Variants in ZMAT4 observed in about 807,000 individuals in gnomAD.
The protein encoded by ZMAT4 is zinc finger matrin-type 4, also known as zinc finger matrin-type protein 4.
A neutral mutation model predicts 28.7 loss-of-function variants in ZMAT4; 17 were observed. That is an observed-to-expected ratio of 0.59 (90% CI 0.41 to 0.89). The LOEUF (loss-of-function observed/expected upper bound fraction) is 0.89. Ranked by LOEUF, ZMAT4 falls within the 40% of genes least tolerant of loss-of-function variation. The pLI, the probability that ZMAT4 is intolerant of heterozygous loss-of-function variation, is 0.00. For missense variants in ZMAT4, 240 were observed against 283.8 expected, an observed-to-expected ratio of 0.85 and a Z score of 1.11; for synonymous variants, 117 against 109.2, an observed-to-expected ratio of 1.07 and a Z score of -0.44.
intron 1 of ZMAT4, among the ~76,000 whole-genome samples, chr8:40,862,570 T>TTA (rs1563534407): frequency 1.1e-5 from 1 of 90,034 alleles, no homozygotes; most frequent in African/African-American, 5.1e-5. Flanking sequence ...TAGAGTATAA[T>TTA]AAAAAAAAAA....
At chr8:40,811,004 C>T (rs925136974) in intron 2 of ZMAT4, among the ~76,000 whole-genome samples, 5 of 151,908 alleles carry the variant, frequency 3.3e-5, no homozygotes, top group Non-Finnish European at 5.9e-5. Context: ...TAGGAAAAAA[C>T]GTGAAAGCTG....
intron 2 of ZMAT4, among the ~76,000 whole-genome samples, chr8:40,777,362 C>A (rs1409307500): frequency 6.6e-6 from 1 of 152,180 alleles, no homozygotes; most frequent in Admixed American, 6.5e-5. Context: ...ACATCTCAGA[C>A]TGAGTGACAA....
At chr8:40,667,348 G>T (rs1293921011) in intron 5 of ZMAT4, among the ~76,000 whole-genome samples, 13 of 152,042 alleles carry the variant, frequency 8.6e-5, no homozygotes, top group Non-Finnish European at 1.9e-4. Context: ...TAGAGACAGG[G>T]TTTCACAGTG....
intron 1 of ZMAT4, among the ~76,000 whole-genome samples, chr8:40,853,664 A>G (rs1039564399): frequency 1.3e-5 from 2 of 152,196 alleles, no homozygotes; most frequent in Non-Finnish European, 2.9e-5. Flanking sequence ...TGTGGGTGTG[A>G]GGCAGTTGCA....
intron 5 of ZMAT4, among the ~76,000 whole-genome samples, chr8:40,642,329 C>A (rs1445682680): frequency 6.6e-6 from 1 of 152,100 alleles, no homozygotes; most frequent in Non-Finnish European, 1.5e-5. Flanking sequence ...GGGTATCCAA[C>A]AAAAGTTATG....
chr8:40,535,392 C>T (rs1294179178), intron 6 of ZMAT4, among the ~76,000 whole-genome samples: 1 of 152,060 alleles, frequency 6.6e-6, no homozygotes, highest in Non-Finnish European at 1.5e-5. Flanking sequence ...TCACCTTGGC[C>T]AGGTGTGGTG....
chr8:40,679,066 T>A (rs986666399), intron 4 of ZMAT4, among the ~76,000 whole-genome samples: 1 of 152,104 alleles, frequency 6.6e-6, no homozygotes, highest in African/African-American at 2.4e-5. Context: ...GTCTATAAAA[T>A]CAATGCAAGC....
At chr8:40,884,310 C>A (rs1818382035) in intron 1 of ZMAT4, among the ~76,000 whole-genome samples, 2 of 152,034 alleles carry the variant, frequency 1.3e-5, no homozygotes, top group African/African-American at 2.4e-5. Flanking sequence ...CACCCATCAT[C>A]TTTGTACCCT....
At chr8:40,812,583 A>T (rs568698613) in intron 2 of ZMAT4, among the ~76,000 whole-genome samples, 1 of 152,320 alleles carries the variant, frequency 6.6e-6, no homozygotes, top group South Asian at 2.1e-4. Context: ...ACAGAAAATG[A>T]CACGACAGAG....
intron 3 of ZMAT4, among the ~76,000 whole-genome samples, chr8:40,731,533 A>G (rs1811543874): frequency 6.6e-6 from 1 of 152,180 alleles, no homozygotes; most frequent in African/African-American, 2.4e-5. Context: ...ATCAACAAAA[A>G]GGAAAAAAGT....
intron 1 of ZMAT4, among the ~76,000 whole-genome samples, chr8:40,849,500 CT>C (rs1200696270): frequency 1.3e-5 from 2 of 152,194 alleles, no homozygotes; most frequent in African/African-American, 4.8e-5. Context: ...GTCCCAAAAA[CT>C]TGCAAAATGA....
intron 5 of ZMAT4, among the ~76,000 whole-genome samples, chr8:40,628,296 T>C (rs1419540365): frequency 6.6e-6 from 1 of 152,172 alleles, no homozygotes; most frequent in African/African-American, 2.4e-5. Flanking sequence ...GACGGTAATA[T>C]ATGGATCAAA....
At chr8:40,850,109 T>A (rs1226991650) in intron 1 of ZMAT4, among the ~76,000 whole-genome samples, 1 of 152,180 alleles carries the variant, frequency 6.6e-6, no homozygotes, top group Non-Finnish European at 1.5e-5. Flanking sequence ...GCTGCCACTG[T>A]CTCTCACCTG....
At chr8:40,801,371 T>C (rs887919778) in intron 2 of ZMAT4, among the ~76,000 whole-genome samples, 8 of 144,840 alleles carry the variant, frequency 5.5e-5, no homozygotes, top group East Asian at 2.1e-4. Context: ...TATATATATA[T>C]ACATATATAT....
At chr8:40,617,470 A>T (rs1806051026) in intron 5 of ZMAT4, among the ~76,000 whole-genome samples, 1 of 152,228 alleles carries the variant, frequency 6.6e-6, no homozygotes, top group Non-Finnish European at 1.5e-5. Flanking sequence ...CAATTTTAGT[A>T]GCAGAGGCAG....
chr8:40,838,168 T>C (rs565549488), intron 1 of ZMAT4, among the ~76,000 whole-genome samples: 8 of 152,334 alleles, frequency 5.3e-5, no homozygotes, highest in African/African-American at 1.7e-4. Flanking sequence ...GTAGTTACAC[T>C]GTCAAATTCT....
At chr8:40,562,918 G>A (rs1484784539) in intron 6 of ZMAT4, among the ~76,000 whole-genome samples, 2 of 152,126 alleles carry the variant, frequency 1.3e-5, no homozygotes, top group African/African-American at 4.8e-5. Context: ...TTGTCACGAC[G>A]TGTGTGTGCA....
rs542552932 is a variant in ZMAT4 at position 40,801,626 on chromosome 8, C to T, written c.102+23949G>A. Among the ~76,000 whole-genome samples, 79 of 151,932 alleles carry T rather than the reference C, an allele frequency of 5.2e-4. No individual in the cohort carries two copies. In the South Asian group the frequency reaches 8.1e-3, roughly 16 times the overall value. On this transcript the variant is annotated intron_variant, in intron 2 of 6. Coordinates refer to ENST00000297737, the MANE Select transcript of ZMAT4 (RefSeq NM_024645.3). ...CAGAGGTGGCAGTGGGCTGAGATCG[C>T]ACCATTGAACTCCAGCCTGGGCAAC...
rs1803462504 is a variant in ZMAT4 at position 40,554,419 on chromosome 8, T to C, written c.675-22181A>G. ...TTAACTAAGTACTTAATTAACTAAG[T>C]ACTGGGAATACACTGCGAAAAAACT... On this transcript the variant is annotated intron_variant, in intron 6 of 6. Coordinates refer to ENST00000297737, the MANE Select transcript of ZMAT4 (RefSeq NM_024645.3). Among the ~76,000 whole-genome samples, 4 of 152,086 alleles carry C rather than the reference T, an allele frequency of 2.6e-5. No homozygotes were observed. In the South Asian group the frequency reaches 8.3e-4, roughly 32 times the overall value.
Sources: gnomAD v4.1 joint callset for allele counts (sites outside exome capture counted in the v4.1 genomes callset) on GRCh38, gnomAD v4.1.1 for gene constraint, MANE v1.5 for transcripts, NCBI Gene and HGNC (gene_info 2026-07-23, HGNC 2026-07-21) for gene names.